Variants in HSD17B2 observed in about 807,000 individuals in gnomAD.
The protein encoded by HSD17B2 is hydroxysteroid 17-beta dehydrogenase 2.
Under a neutral mutation model 26.9 loss-of-function variants are expected in HSD17B2, and 32 were observed. That is an observed-to-expected ratio of 1.19 (90% CI 0.90 to 1.60). The LOEUF is 1.60. Among genes scored for constraint, HSD17B2 ranks in the 40% most tolerant of loss-of-function variants. HSD17B2 has a pLI of 0.00. For synonymous variants in HSD17B2, 246 were observed against 186.7 expected (o/e 1.32, Z -2.59); for missense variants, 613 against 468.6 (o/e 1.31, Z -2.85).
chr16:82,077,097 A>G (rs1016907669), intron 3 of HSD17B2, among the ~76,000 whole-genome samples: 1 of 152,218 alleles, frequency 6.6e-6, no homozygotes, highest in Non-Finnish European at 1.5e-5. Flanking sequence ...CTATTCAAGG[A>G]AATCTATAGA....
At chr16:82,089,255 C>A (rs997462318) in intron 3 of HSD17B2, among the ~76,000 whole-genome samples, 1 of 152,182 alleles carries the variant, frequency 6.6e-6, no homozygotes, top group African/African-American at 2.4e-5. Flanking sequence ...TCTCTCACTG[C>A]CCATAATTGT....
chr16:82,043,148 A>T (rs1913813178), intron 1 of HSD17B2, among the ~76,000 whole-genome samples: 1 of 152,200 alleles, frequency 6.6e-6, no homozygotes, highest in Admixed American at 6.5e-5. Context: ...AGGAAGGATG[A>T]GGGGAGAAAG....
chr16:82,059,272 G>T (rs1022621194), intron 1 of HSD17B2, among the ~76,000 whole-genome samples: 1 of 152,190 alleles, frequency 6.6e-6, no homozygotes, highest in Non-Finnish European at 1.5e-5. Context: ...ATGGATGTTG[G>T]CTGGCAGATG....
rs542643658 is a variant in HSD17B2 at position 82,041,691 on chromosome 16, A to G, written c.265+6002A>G. Among the ~76,000 whole-genome samples, 12 of 152,208 alleles carry G rather than the reference A, an allele frequency of 7.9e-5. No individual in the cohort carries two copies. In the South Asian group the frequency reaches 2.5e-3, roughly 32 times the overall value. On this transcript the variant is annotated intron_variant, in intron 1 of 4. Coordinates refer to ENST00000199936, the MANE Select transcript of HSD17B2 (RefSeq NM_002153.3). ...TTAGCCTTGCAGGAACTGCATTTCC[A>G]TGCTTCTTTGTCCTTTGACTCTTCC...
chr16:82,067,441 A>T (rs1378554875), intron 1 of HSD17B2, among the ~76,000 whole-genome samples: 1 of 152,132 alleles, frequency 6.6e-6, no homozygotes, highest in East Asian at 1.9e-4. Context: ...GGTCCCTAAT[A>T]CCCTCTTGGC....
chr16:82,076,673 T>C (rs11865023), intron 3 of HSD17B2, among the ~76,000 whole-genome samples: 19,205 of 152,186 alleles, frequency 0.13, 4,026 homozygotes, highest in African/African-American at 0.43. Context: ...CTCCTGGATT[T>C]AGGTGATTCT....
chr16:82,054,401 G>A (rs144455252), intron 1 of HSD17B2, among the ~76,000 whole-genome samples: 5 of 151,952 alleles, frequency 3.3e-5, no homozygotes, highest in African/African-American at 4.8e-5. Flanking sequence ...CTGGAGTGTA[G>A]TGGTGTGATC....
chr16:82,054,804 C>T (rs896694170), intron 1 of HSD17B2, among the ~76,000 whole-genome samples: 1 of 152,184 alleles, frequency 6.6e-6, no homozygotes, highest in Non-Finnish European at 1.5e-5. Context: ...AGGGTGCTGT[C>T]CAGTAGAAAT....
intron 3 of HSD17B2, among the ~76,000 whole-genome samples, chr16:82,072,936 G>A (rs1330701743): frequency 6.6e-6 from 1 of 152,136 alleles, no homozygotes; most frequent in Non-Finnish European, 1.5e-5. Flanking sequence ...ATTGTGGCAT[G>A]TGCCTGTAGT....
chr16:82,042,913 A>G (rs78695663), intron 1 of HSD17B2, among the ~76,000 whole-genome samples: 2 of 152,164 alleles, frequency 1.3e-5, no homozygotes, highest in African/African-American at 2.4e-5. Context: ...AAGCCACTGC[A>G]TCTGGTCTCT....
intron 1 of HSD17B2, among the ~76,000 whole-genome samples, chr16:82,066,017 C>G (rs796068328): frequency 6.6e-6 from 1 of 152,192 alleles, no homozygotes; most frequent in Non-Finnish European, 1.5e-5. Context: ...CATCTGGCCT[C>G]AGCACTGTGG....
chr16:82,050,509 C>G (rs1914076490), intron 1 of HSD17B2, among the ~76,000 whole-genome samples: 1 of 152,112 alleles, frequency 6.6e-6, no homozygotes, highest in Non-Finnish European at 1.5e-5. Flanking sequence ...TTAAGTTGTT[C>G]TCTGCAGAGT....
rs558681102 is a variant in HSD17B2 at position 82,059,840 on chromosome 16, A to G, written c.266-8330A>G. Reference sequence around the variant, plus strand: ...AATTTCCCGGGCACTTCAGTTGCTCATCTTAACACAGGAATCACAAGAATA... The same window carrying G: ...AATTTCCCGGGCACTTCAGTTGCTCGTCTTAACACAGGAATCACAAGAATA... On this transcript the variant is annotated intron_variant, in intron 1 of 4. Transcript: ENST00000199936. Among the ~76,000 whole-genome samples the G allele has an allele frequency of 3.3e-5, 5 of 152,294 alleles. No individual in the cohort carries two copies. In the East Asian group the frequency reaches 7.7e-4, roughly 24 times the overall value.
At chr16:82,044,997 A>G (rs1407268963) in intron 1 of HSD17B2, among the ~76,000 whole-genome samples, 6 of 151,914 alleles carry the variant, frequency 3.9e-5, no homozygotes, top group Admixed American at 6.6e-5. Context: ...GTGCACCTGT[A>G]ATCCTGGCTA....
intron 1 of HSD17B2, among the ~76,000 whole-genome samples, chr16:82,038,402 T>C (rs964787372): frequency 1.3e-5 from 2 of 152,146 alleles, no homozygotes; most frequent in East Asian, 1.9e-4. Flanking sequence ...CAGGCTGGAG[T>C]GCAGTGGCAT....
intron 3 of HSD17B2, among the ~76,000 whole-genome samples, chr16:82,072,386 G>A (rs1196253044): frequency 6.6e-6 from 1 of 152,188 alleles, no homozygotes; most frequent in Non-Finnish European, 1.5e-5. Flanking sequence ...CCTAATCTTT[G>A]TTCTGAACTT....
chr16:82,055,513 T>C (rs1914240016), intron 1 of HSD17B2, among the ~76,000 whole-genome samples: 1 of 152,040 alleles, frequency 6.6e-6, no homozygotes, highest in Admixed American at 6.5e-5. Flanking sequence ...AATGAGGTAA[T>C]GAATAGGCAG....
At chr16:82,046,442 G>C (rs1039890381) in intron 1 of HSD17B2, among the ~76,000 whole-genome samples, 1 of 152,064 alleles carries the variant, frequency 6.6e-6, no homozygotes, top group Admixed American at 6.6e-5. Flanking sequence ...AATATTATGG[G>C]CCAGGCACGG....
intron 3 of HSD17B2, among the ~76,000 whole-genome samples, chr16:82,072,579 G>A (rs900257227): frequency 6.6e-6 from 1 of 151,772 alleles, no homozygotes; most frequent in African/African-American, 2.4e-5. Flanking sequence ...TTTTTCCTCT[G>A]TTCTCAACTT....
Sources: allele counts gnomAD v4.1 joint callset (sites outside exome capture counted in the v4.1 genomes callset), GRCh38; gene constraint gnomAD v4.1.1; transcripts MANE v1.5; gene names NCBI Gene and HGNC (gene_info 2026-07-23, HGNC 2026-07-21).